SLC30A8: variants seen among roughly 807,000 people sequenced by gnomAD.
The protein encoded by SLC30A8 is proton-coupled zinc antiporter SLC30A8.
SLC30A8 carries 27 observed loss-of-function variants against 36.9 expected under a neutral mutation model. That is an observed-to-expected ratio of 0.73 (90% CI 0.54 to 1.01). The LOEUF (loss-of-function observed/expected upper bound fraction) is 1.01, where lower values mean the gene tolerates loss of function less well. Among genes scored for constraint, SLC30A8 ranks in the 50% least tolerant of loss-of-function variants. The pLI, the probability that SLC30A8 is intolerant of heterozygous loss-of-function variation, is 0.00. For synonymous variants in SLC30A8, 164 were observed against 172.4 expected (o/e 0.95, Z 0.38); for missense variants, 439 against 452.0 (o/e 0.97, Z 0.26).
intron 1 of SLC30A8, among the ~76,000 whole-genome samples, chr8:117,014,130 C>T (rs1166699212): frequency 1.3e-5 from 2 of 152,028 alleles, no homozygotes; most frequent in African/African-American, 4.8e-5. Flanking sequence ...ACTTTTGCAC[C>T]AACCTAATAT....
At chr8:116,955,998 AAAC>A (rs1814188923) in intron 1 of SLC30A8, among the ~76,000 whole-genome samples, 1 of 152,210 alleles carries the variant, frequency 6.6e-6, no homozygotes, top group Non-Finnish European at 1.5e-5. Flanking sequence ...TGCATTACCA[AAAC>A]TCAGAAAGAT....
At chr8:117,048,367 G>A (rs1056274597) in intron 2 of SLC30A8, among the ~76,000 whole-genome samples, 4 of 152,204 alleles carry the variant, frequency 2.6e-5, no homozygotes, top group Non-Finnish European at 5.9e-5. Flanking sequence ...CTGGCAGGTA[G>A]TGTATAGTGG....
rs1823710471 is a variant in SLC30A8 at position 117,176,647 on chromosome 8, G to A, written c.*3966G>A. On this transcript the variant is annotated 3_prime_UTR_variant, in exon 8 of 8. Coordinates refer to ENST00000456015, the MANE Select transcript of SLC30A8 (RefSeq NM_173851.3). ...CTTAACGTCTGTCATTCTGTTACTGGGCACCTGTTTAAATTCTATTTTAAA... is the reference window on the plus strand; with the variant it reads ...CTTAACGTCTGTCATTCTGTTACTGAGCACCTGTTTAAATTCTATTTTAAA... 6.6e-6 allele frequency: 1 copy of A among 152,344 alleles called. No individual in the cohort carries two copies. The allele number at this position is 152,344 out of a possible 1,614,324, so 9.4% of individuals were successfully genotyped here. A position where few individuals can be genotyped will look rare whatever the true frequency, so the allele number is the denominator to read the frequency against.
chr8:116,973,147 C>T (rs1302508057), intron 1 of SLC30A8, among the ~76,000 whole-genome samples: 1 of 152,220 alleles, frequency 6.6e-6, no homozygotes, highest in Admixed American at 6.5e-5. Context: ...AATAAGCCCT[C>T]ACCAGCCATC....
rs202238259 is a variant in SLC30A8, at chr8:117,054,919, AT to A, written c.-226+15669del. On this transcript the variant is annotated intron_variant, in intron 2 of 10. Transcript: ENST00000427715. ...ACTCTCTGATTCTCTGAAAATATGT[AT>A]TTTTTTTGATAAAGGAGAGCAAATG... 4.7e-3 allele frequency among the ~76,000 whole-genome samples: 719 copies of A among 152,040 alleles called. 4 individuals carry two copies. The highest frequency in any genetic ancestry group is 0.017 in the African/African-American group (688 of 41,478).
At chr8:117,013,293 C>T (rs1052798968) in intron 1 of SLC30A8, among the ~76,000 whole-genome samples, 1 of 152,170 alleles carries the variant, frequency 6.6e-6, no homozygotes, top group Non-Finnish European at 1.5e-5. Flanking sequence ...CTGTATACAG[C>T]TCACCTTCCT....
intron 1 of SLC30A8, among the ~76,000 whole-genome samples, chr8:117,007,620 A>G (rs1027054202): frequency 1.3e-5 from 2 of 152,206 alleles, no homozygotes; most frequent in Admixed American, 6.5e-5. Flanking sequence ...CATAGTCATG[A>G]TGTGTGAGTT....
chr8:117,149,160 G>A (rs2130972167), intron 2 of SLC30A8, among the ~76,000 whole-genome samples: 1 of 152,312 alleles, frequency 6.6e-6, no homozygotes, highest in Admixed American at 6.5e-5. Flanking sequence ...TTTGTATTAT[G>A]TTAATGAAAT....
At chr8:117,026,673 T>A (rs1272219610) in intron 1 of SLC30A8, among the ~76,000 whole-genome samples, 1 of 152,154 alleles carries the variant, frequency 6.6e-6, no homozygotes, top group Non-Finnish European at 1.5e-5. Flanking sequence ...ACAAGCCACT[T>A]TATCTCTCTG....
At chr8:117,018,541 T>TGTGTTGGATAGCACC in intron 1 of SLC30A8, among the ~76,000 whole-genome samples, 1 of 151,890 alleles carries the variant, frequency 6.6e-6, no homozygotes, top group African/African-American at 2.4e-5. Flanking sequence ...TTGATAGCAC[T>TGTGTTGGATAGCACC]GCTGTGTTGG....
At chr8:117,036,826 G>A (rs1378169867) in intron 1 of SLC30A8, among the ~76,000 whole-genome samples, 1 of 152,200 alleles carries the variant, frequency 6.6e-6, no homozygotes, top group African/African-American at 2.4e-5. Context: ...GAGACTCGAT[G>A]TGGCCCAGTA....
At chr8:117,131,372 T>G (rs143323943), upstream of SLC30A8, among the ~76,000 whole-genome samples, 19 of 152,118 alleles carry the variant, frequency 1.2e-4, 1 homozygote, top group East Asian at 3.7e-3. Context: ...TTAGAAATAA[T>G]AAGATCTTTA....
intron 1 of SLC30A8, among the ~76,000 whole-genome samples, chr8:117,005,865 C>A (rs924661825): frequency 2.0e-5 from 3 of 152,152 alleles, no homozygotes; most frequent in Non-Finnish European, 4.4e-5. Flanking sequence ...TGCCATTTCA[C>A]TTGGCAATAG....
At chr8:117,080,334 T>C (rs916424515) in intron 2 of SLC30A8, among the ~76,000 whole-genome samples, 2 of 152,168 alleles carry the variant, frequency 1.3e-5, no homozygotes, top group Non-Finnish European at 2.9e-5. Flanking sequence ...TTTTTCTTTT[T>C]CAATTTTTAT....
At chr8:116,964,531 G>A (rs1814534029) in intron 1 of SLC30A8, among the ~76,000 whole-genome samples, 1 of 152,188 alleles carries the variant, frequency 6.6e-6, no homozygotes, top group Admixed American at 6.5e-5. Flanking sequence ...TTTTAGGGGA[G>A]CTCATCATCC....
At chr8:116,971,310 A>G (rs1400439608) in intron 1 of SLC30A8, among the ~76,000 whole-genome samples, 1 of 151,766 alleles carries the variant, frequency 6.6e-6, no homozygotes, top group African/African-American at 2.4e-5. Context: ...TAGGAAAAAA[A>G]AAAACAAAAA....
chr8:117,098,772 C>T (rs1819582302), intron 2 of SLC30A8, among the ~76,000 whole-genome samples: 1 of 152,150 alleles, frequency 6.6e-6, no homozygotes, highest in Non-Finnish European at 1.5e-5. Context: ...AAGGCTATTC[C>T]ATTTTGTTAG....
intron 2 of SLC30A8, among the ~76,000 whole-genome samples, chr8:117,068,507 A>T (rs1244604868): frequency 6.6e-6 from 1 of 152,048 alleles, no homozygotes; most frequent in East Asian, 1.9e-4. Flanking sequence ...TATCATCACC[A>T]TCCTCTCAAC....
In SLC30A8 at chr8:117,153,110, C is replaced by A; in HGVS notation, c.418+20C>A. 6.5e-7 allele frequency: 1 copy of A among 1,543,284 alleles called. No individual in the cohort carries two copies. On this transcript the variant is annotated intron_variant, in intron 3 of 7. Coordinates refer to ENST00000456015, the MANE Select transcript of SLC30A8 (RefSeq NM_173851.3). ...GAGCAGGTACGGTTCATAGAGTGAG[C>A]AATAACAGCAGGCTGGTGCTGCAAA...
Sources: allele counts gnomAD v4.1 joint callset (sites outside exome capture counted in the v4.1 genomes callset), GRCh38; gene constraint gnomAD v4.1.1; transcripts MANE v1.5; gene names NCBI Gene and HGNC (gene_info 2026-07-23, HGNC 2026-07-21).